GABPA: variants seen among roughly 807,000 people sequenced by gnomAD.
GABPA encodes the protein GA binding protein transcription factor subunit alpha.
GABPA carries 4 observed loss-of-function variants against 59.4 expected under a neutral mutation model. The ratio of observed to expected loss-of-function variants is 0.07; its 90% confidence interval spans 0.03 to 0.15. The LOEUF is 0.15. Ranked by LOEUF, GABPA falls within the 10% of genes least tolerant of loss-of-function variation. The pLI, the probability that GABPA is intolerant of heterozygous loss-of-function variation, is 1.00. For synonymous variants in GABPA, 164 were observed against 183.1 expected (o/e 0.90, Z 0.84); for missense variants, 251 against 543.8 (o/e 0.46, Z 5.36).
At chr21:25,759,239 G>C (rs1300395415) in intron 6 of GABPA, among the ~76,000 whole-genome samples, 1 of 152,144 alleles carries the variant, frequency 6.6e-6, no homozygotes, top group Non-Finnish European at 1.5e-5. Context: ...ATGCTAGCCA[G>C]ACCCACATAT....
chr21:25,747,678 A>G lies in GABPA; in HGVS notation c.223-1358A>G, dbSNP rs71649682. ...TTGAAGAGTGTTAACACAAGATCAA[A>G]TACCAGGCTTGAGTTTTGTCCTTGT... On this transcript the variant is annotated intron_variant, in intron 3 of 9. Transcript: ENST00000400075. Among the ~76,000 whole-genome samples, 1,034 of 152,338 alleles carry G rather than the reference A, an allele frequency of 6.8e-3. 9 individuals are homozygous for G. The highest frequency in any genetic ancestry group is 0.024 in the African/African-American group (984 of 41,576).
intron 2 of GABPA, among the ~76,000 whole-genome samples, chr21:25,742,759 CAA>C (rs33986584): frequency 0.3 from 42,245 of 142,438 alleles, 7,859 homozygotes; most frequent in African/African-American, 0.54. Flanking sequence ...ACAAAACATA[CAA>C]AAAAAAAAAA....
intron 6 of GABPA, 90 bp downstream of exon 6, chr21:25,758,294 AATG>A (rs1300223043): frequency 5.8e-6 from 5 of 855,620 alleles, no homozygotes; most frequent in East Asian, 2.7e-5. Context: ...GTTTATTGAT[AATG>A]ATAAGTAATA....
chr21:25,764,248 CCTA>C lies in GABPA; in HGVS notation c.846_848del (p.Thr283del). 6.2e-7 allele frequency: 1 copy of C among 1,611,162 alleles called. No individual in the cohort carries two copies. Among genetic ancestry groups the C allele is most frequent in the Non-Finnish European group, 8.5e-7 (1 of 1,178,834 alleles). On this transcript the variant is annotated inframe_deletion, in exon 8 of 10. Transcript: ENST00000400075. The stretch of plus-strand genomic sequence containing the variant: ...TCCAGCATCAGTGCAATCTGCTACA[CCTA>C]CTACCATTAAAGTTATAAATAGTAG...
chr21:25,766,433 T>C (rs186279346), intron 9 of GABPA, among the ~76,000 whole-genome samples: 1 of 151,990 alleles, frequency 6.6e-6, no homozygotes, highest in Non-Finnish European at 1.5e-5. Context: ...ATTAGGAATT[T>C]CTGTTCGTTG....
intron 1 of GABPA, among the ~76,000 whole-genome samples, chr21:25,740,147 G>A (rs1419620973): frequency 2.6e-5 from 4 of 152,206 alleles, no homozygotes; most frequent in Non-Finnish European, 4.4e-5. Context: ...CACCAAAACT[G>A]TGACATGGAG....
intron 4 of GABPA, among the ~76,000 whole-genome samples, chr21:25,749,825 C>T (rs575503561): frequency 6.6e-6 from 1 of 152,192 alleles, no homozygotes; most frequent in African/African-American, 2.4e-5. Flanking sequence ...GAGGAAAACT[C>T]TGTCTCAATC....
At chr21:25,751,654 T>C (rs1366222478) in intron 4 of GABPA, among the ~76,000 whole-genome samples, 1 of 152,070 alleles carries the variant, frequency 6.6e-6, no homozygotes, top group Non-Finnish European at 1.5e-5. Context: ...GTCTAATTTT[T>C]ATTGTTTCGT....
At chr21:25,744,918 A>G (rs1030411225) in intron 2 of GABPA, among the ~76,000 whole-genome samples, 1 of 152,226 alleles carries the variant, frequency 6.6e-6, no homozygotes, top group Non-Finnish European at 1.5e-5. Context: ...AAATGCAAAC[A>G]TAATGTATGT....
chr21:25,745,447 C>T, intron 3 of GABPA, 93 bp downstream of exon 3: 1 of 1,187,748 alleles, frequency 8.4e-7, no homozygotes, highest in Non-Finnish European at 1.2e-6. Flanking sequence ...TAGACTTTAT[C>T]TCTGTAAGAA....
intron 1 of GABPA, among the ~76,000 whole-genome samples, chr21:25,737,574 A>G (rs1458331935): frequency 6.6e-6 from 1 of 152,066 alleles, no homozygotes; most frequent in East Asian, 1.9e-4. Context: ...AGATCATAGG[A>G]TAAATTTCTT....
At position 25,735,400 on chromosome 21, in the gene GABPA, G is replaced by C. The variant is rs566515490; in HGVS notation, c.-205G>C. Reference sequence around the variant, plus strand: ...TGGACCCGAAGGTGCCTGGGAGGCGGGAGGGGGGTTGGGGCTTCTCAGCGC... The same window carrying C: ...TGGACCCGAAGGTGCCTGGGAGGCGCGAGGGGGGTTGGGGCTTCTCAGCGC... On this transcript the variant is annotated 5_prime_UTR_variant, in exon 1 of 10. Transcript: ENST00000400075. The C allele has an allele frequency of 2.5e-4, 45 of 182,646 alleles. No homozygotes were observed. Among genetic ancestry groups the C allele is most frequent in the Non-Finnish European group, 4.1e-4 (35 of 85,080 alleles). 11.3% of individuals were successfully genotyped at this position (182,646 alleles called of 1,614,324 possible).
intron 3 of GABPA, among the ~76,000 whole-genome samples, chr21:25,747,306 G>A (rs773346245): frequency 1.3e-5 from 2 of 152,198 alleles, no homozygotes; most frequent in African/African-American, 4.8e-5. Flanking sequence ...TCTCTTAGTT[G>A]TCTTTCAGCT....
intron 5 of GABPA, among the ~76,000 whole-genome samples, chr21:25,755,953 A>G (rs11909171): frequency 0.035 from 5,360 of 152,232 alleles, 303 homozygotes; most frequent in African/African-American, 0.12. Context: ...TTCCCCTCCT[A>G]TGCCAAATCG....
intron 1 of GABPA, among the ~76,000 whole-genome samples, chr21:25,736,957 C>A (rs1006446142): frequency 1.3e-5 from 2 of 152,156 alleles, no homozygotes; most frequent in African/African-American, 4.8e-5. Flanking sequence ...CCCCACACTC[C>A]ACTTATAATA....
intron 1 of GABPA, among the ~76,000 whole-genome samples, chr21:25,740,046 G>C (rs986415664): frequency 6.6e-6 from 1 of 152,150 alleles, no homozygotes; most frequent in African/African-American, 2.4e-5. Flanking sequence ...AGGGGTGGTG[G>C]TGGCTGTTGT....
intron 3 of GABPA, among the ~76,000 whole-genome samples, chr21:25,745,981 A>T (rs2035352657): frequency 6.6e-6 from 1 of 151,906 alleles, no homozygotes; most frequent in African/African-American, 2.4e-5. Flanking sequence ...CCTTCCTTAA[A>T]CATATGATTA....
intron 4 of GABPA, 55 bp downstream of exon 4, chr21:25,749,175 C>T: frequency 9.4e-7 from 1 of 1,063,490 alleles, no homozygotes; most frequent in Non-Finnish European, 1.4e-6. Flanking sequence ...TTTTCTGATA[C>T]AATTTATAAG....
intron 5 of GABPA, 89 bp downstream of exon 5, chr21:25,752,323 C>T: frequency 7.8e-7 from 1 of 1,275,348 alleles, no homozygotes. Flanking sequence ...ATCTATTTTA[C>T]ATGTAGAGTT....
Sources: allele counts gnomAD v4.1 joint callset (sites outside exome capture counted in the v4.1 genomes callset), GRCh38; gene constraint gnomAD v4.1.1; transcripts MANE v1.5; gene names NCBI Gene and HGNC (gene_info 2026-07-23, HGNC 2026-07-21).